The following CFAP144 variants were observed in gnomAD, a reference collection of about 807,000 sequenced individuals.
The protein encoded by CFAP144 is cilia and flagella associated protein 144.
the CFAP144 span, among the ~76,000 whole-genome samples, chr1:43,148,759 C>T: frequency 6.6e-6 from 1 of 152,140 alleles, no homozygotes; most frequent in Admixed American, 6.5e-5. Context: ...TGATCAGAAT[C>T]ATTCACTCTC....
chr1:43,151,587 A>G, the CFAP144 span, among the ~76,000 whole-genome samples: 1 of 152,188 alleles, frequency 6.6e-6, no homozygotes, highest in Non-Finnish European at 1.5e-5. Context: ...AGAAATGAGA[A>G]ACATGACTAC....
the CFAP144 span, chr1:43,147,914 G>C: frequency 6.2e-7 from 1 of 1,610,020 alleles, no homozygotes; most frequent in Non-Finnish European, 8.5e-7. Flanking sequence ...GGAGACTGTG[G>C]AAGGCCCAGG....
At chr1:43,149,406 T>C in the CFAP144 span, among the ~76,000 whole-genome samples, 1 of 152,230 alleles carries the variant, frequency 6.6e-6, no homozygotes, top group African/African-American at 2.4e-5. Context: ...ATCATGTCAT[T>C]TCCCACTTTA....
the CFAP144 span, chr1:43,147,865 G>A: frequency 2.3e-3 from 3,524 of 1,564,018 alleles, 62 homozygotes; most frequent in African/African-American, 0.043. Context: ...TGGAGACCAC[G>A]GGACGCCGTT....
chr1:43,149,270 T>TC, the CFAP144 span, among the ~76,000 whole-genome samples: 1 of 152,088 alleles, frequency 6.6e-6, no homozygotes, highest in African/African-American at 2.4e-5. Context: ...CATACTCCTC[T>TC]CCCCCACTTT....
the CFAP144 span, chr1:43,152,714 C>A: frequency 4.1e-6 from 5 of 1,216,356 alleles, no homozygotes; most frequent in Non-Finnish European, 5.6e-6. Context: ...TGAGGCAAAC[C>A]TCCAAGGCAC....
the CFAP144 span, among the ~76,000 whole-genome samples, chr1:43,149,207 A>C: frequency 2.9e-4 from 44 of 152,286 alleles, no homozygotes; most frequent in Admixed American, 3.3e-4. Context: ...AGTTTAAATC[A>C]ATCACGACAT....
chr1:43,154,975 G>T, the CFAP144 span, among the ~76,000 whole-genome samples: 2 of 152,218 alleles, frequency 1.3e-5, no homozygotes, highest in African/African-American at 2.4e-5. Context: ...AGTGGTGGAG[G>T]ATGGGGAACC....
At chr1:43,144,032 G>A in the CFAP144 span, among the ~76,000 whole-genome samples, 1 of 152,170 alleles carries the variant, frequency 6.6e-6, no homozygotes, top group East Asian at 1.9e-4. Flanking sequence ...AGTGAAAAGG[G>A]CTTTGAACAG....
the CFAP144 span, chr1:43,148,033 C>T: frequency 3.7e-5 from 60 of 1,613,864 alleles, no homozygotes; most frequent in Non-Finnish European, 5.0e-5. Flanking sequence ...CCTCAAGGAG[C>T]TACGAACCCA....
the CFAP144 span, chr1:43,147,871 C>A: frequency 3.3e-4 from 521 of 1,571,812 alleles, 11 homozygotes; most frequent in East Asian, 0.012. Flanking sequence ...CCACGGGACG[C>A]CGTTGCCTGG....
chr1:43,152,715 T>C, the CFAP144 span: 1 of 1,222,034 alleles, frequency 8.2e-7, no homozygotes, highest in Non-Finnish European at 1.1e-6. Flanking sequence ...GAGGCAAACC[T>C]CCAAGGCACA....
chr1:43,144,621 CCTAT>C, the CFAP144 span, among the ~76,000 whole-genome samples: 4 of 152,080 alleles, frequency 2.6e-5, no homozygotes, highest in Non-Finnish European at 4.4e-5. Flanking sequence ...GGGGTTCTGC[CCTAT>C]CTGTTACCCC....
the CFAP144 span, chr1:43,152,748 A>G: frequency 2.1e-6 from 3 of 1,418,488 alleles, no homozygotes; most frequent in Non-Finnish European, 2.8e-6. Context: ...GAAAGGAACA[A>G]TGTGGACGCA....
chr1:43,145,218 A>G, the CFAP144 span: 1 of 1,540,052 alleles, frequency 6.5e-7, no homozygotes, highest in South Asian at 1.2e-5. Context: ...GTCTGTAGCC[A>G]CAGAGCAAAC....
At chr1:43,152,792 G>A in the CFAP144 span, 1 of 1,563,660 alleles carries the variant, frequency 6.4e-7, no homozygotes, top group African/African-American at 1.3e-5. Flanking sequence ...TGGTCCCAAA[G>A]CCTGACTCCT....
chr1:43,154,060 G>GTGTATATATATATATATATATA, the CFAP144 span, among the ~76,000 whole-genome samples: 3 of 71,762 alleles, frequency 4.2e-5, no homozygotes, highest in Non-Finnish European at 8.8e-5. Context: ...ATATATGTGT[G>GTGTATATATATATATATATATA]TGTATATATA....
chr1:43,156,140 G>A, the CFAP144 span: 20 of 1,386,574 alleles, frequency 1.4e-5, no homozygotes, highest in Admixed American at 3.4e-5. Context: ...CAGGCCCATT[G>A]ACTCCAAACC....
chr1:43,154,314 TA>T, the CFAP144 span, among the ~76,000 whole-genome samples: 7 of 145,918 alleles, frequency 4.8e-5, no homozygotes, highest in African/African-American at 7.4e-5. Context: ...TATATATAAA[TA>T]AAAATTATTT....
Sources: allele counts gnomAD v4.1 joint callset (sites outside exome capture counted in the v4.1 genomes callset), GRCh38; gene constraint gnomAD v4.1.1; transcripts MANE v1.5; gene names NCBI Gene and HGNC (gene_info 2026-07-23, HGNC 2026-07-21).